Variants in SLC34A1 observed in about 807,000 individuals in gnomAD.
SLC34A1 encodes the protein solute carrier family 34 member 1, also known as sodium-dependent phosphate transport protein 2A.
Under a neutral mutation model 51.4 loss-of-function variants are expected in SLC34A1, and 57 were observed. That is an observed-to-expected ratio of 1.11 (90% confidence interval 0.90 to 1.38). The LOEUF (loss-of-function observed/expected upper bound fraction) is 1.38. Among genes scored for constraint, SLC34A1 ranks in the 40% most tolerant of loss-of-function variants. SLC34A1 has a pLI of 0.00. For missense variants in SLC34A1, 796 were observed against 835.6 expected (o/e 0.95, Z 0.58); for synonymous variants, 368 against 358.0 (o/e 1.03, Z -0.32).
At chr5:177,392,909 A>C (rs1762851823) in intron 8 of SLC34A1, among the ~76,000 whole-genome samples, 2 of 152,174 alleles carry the variant, frequency 1.3e-5, no homozygotes, top group Non-Finnish European at 2.9e-5. Flanking sequence ...GCCACACTGC[A>C]CCTGGCCCAG....
In SLC34A1 at chr5:177,398,472, T is replaced by G. The variant is rs1234356528; in HGVS notation, c.*186T>G. On this transcript the variant is annotated 3_prime_UTR_variant, in exon 13 of 13. Coordinates refer to ENST00000324417, the MANE Select transcript of SLC34A1 (RefSeq NM_003052.5). The surrounding 1 kb of genome is among the most constrained non-coding windows in gnomAD (Gnocchi z 4.7). ...GTGTGTGCATGTGTGGGGGTGAGTC[T>G]GCATGTGCACCTGTCATGTGTAGAA... 3 of 715,648 alleles carry G rather than the reference T, an allele frequency of 4.2e-6. No individual in the cohort carries two copies. In the African/African-American group the frequency reaches 5.2e-5, roughly 12 times the overall value. The allele number at this position is 715,648 out of a possible 1,614,324, so 44.3% of individuals were successfully genotyped here.
chr5:177,398,040 C>G lies in SLC34A1; in HGVS notation c.1674C>G (p.Ile558Met). ...CCCTGCTGGCCTTCGTGGTGCTCAT[C>G]AATGTCCTGCAGAGTCGGAGTCCCG... is the stretch of plus-strand genomic sequence containing the variant. Reference protein sequence around the residue: ...FGALLAFVVLINVLQSRSPGH... With the variant: ...FGALLAFVVLMNVLQSRSPGH... Residue 558 changes from isoleucine to methionine, a missense_variant, in exon 13 of 13, where the codon ATC becomes ATG. Ile to Met is a conservative substitution (Grantham distance 10, BLOSUM62 1). Transcript: ENST00000324417. The surrounding 1 kb of genome is among the most constrained non-coding windows in gnomAD (Gnocchi z 4.7). The G allele has an allele frequency of 6.2e-7, 1 of 1,614,130 alleles. No homozygotes were observed. Among genetic ancestry groups the G allele is most frequent in the South Asian group, 1.1e-5 (1 of 91,062 alleles).
intron 10 of SLC34A1, among the ~76,000 whole-genome samples, chr5:177,394,681 ACTTT>A (rs1406064156): frequency 1.4e-5 from 2 of 144,500 alleles, no homozygotes; most frequent in East Asian, 4.0e-4. Flanking sequence ...ACATAGTGAG[ACTTT>A]GTCTTTTTTT....
intron 1 of SLC34A1, 41 bp from the exon 2 acceptor site, chr5:177,385,654 G>A: frequency 1.1e-6 from 1 of 923,138 alleles, no homozygotes; most frequent in Non-Finnish European, 1.8e-6. Flanking sequence ...AGGTGAGGGT[G>A]TGTGGGCATG....
chr5:177,389,563 C>T lies in SLC34A1; in HGVS notation c.936+1191C>T, dbSNP rs568767685. On this transcript the variant is annotated intron_variant, in intron 8 of 12. Coordinates refer to ENST00000324417, the MANE Select transcript of SLC34A1 (RefSeq NM_003052.5). ...CGCTGACTTCATGACCTCTTTAATA[C>T]ATCAACCACTTTCTCACGAGCTCTC... 23 of 1,528,094 alleles carry T rather than the reference C, an allele frequency of 1.5e-5. 1 individual carries two copies. The East Asian group carries it at 5.4e-4, about 36-fold the overall frequency. The allele number at this position is 1,528,094 out of a possible 1,614,324, so 94.7% of individuals were successfully genotyped here.
At chr5:177,392,047 C>T (rs1268305188) in intron 8 of SLC34A1, among the ~76,000 whole-genome samples, 1 of 152,218 alleles carries the variant, frequency 6.6e-6, no homozygotes, top group Non-Finnish European at 1.5e-5. Flanking sequence ...CATTCAGGCC[C>T]AGTCTTGATG....
In SLC34A1 at chr5:177,388,020, A is replaced by G; in HGVS notation, c.671A>G (p.Asp224Gly). The change falls in exon 7 of 13, where the codon GAC (aspartate) becomes GGC (glycine). Residue 224 changes from aspartate to glycine, a missense_variant. Asp to Gly is a moderately conservative substitution (Grantham distance 94). Coordinates refer to ENST00000324417, the MANE Select transcript of SLC34A1 (RefSeq NM_003052.5). The surrounding 1 kb of genome is among the most constrained non-coding windows in gnomAD (Gnocchi z 4.3). ...RRAFAGATVHDCFNWLSVLVL... is the reference protein window; with the variant it reads ...RRAFAGATVHGCFNWLSVLVL... ...GCCTTCGCGGGGGCCACGGTGCATGACTGCTTTAACTGGCTGTCAGTGCTG... is the reference window on the plus strand; with the variant it reads ...GCCTTCGCGGGGGCCACGGTGCATGGCTGCTTTAACTGGCTGTCAGTGCTG... 6.2e-7 allele frequency: 1 copy of G among 1,613,784 alleles called. No homozygotes were observed. Among genetic ancestry groups the G allele is most frequent in the Non-Finnish European group, 8.5e-7 (1 of 1,179,870 alleles).
At chr5:177,393,977 G>GA (rs1331355975) in intron 9 of SLC34A1, 51 bp from the exon 10 acceptor site, 23 of 1,609,188 alleles carry the variant, frequency 1.4e-5, no homozygotes, top group Non-Finnish European at 1.9e-5. Context: ...CAAAGGTGGG[G>GA]ACCTGGGAGC....
In SLC34A1 at chr5:177,397,933, T is replaced by C. The variant is rs370834020; in HGVS notation, c.1567T>C (p.Phe523Leu). The C allele has an allele frequency of 5.0e-6, 8 of 1,613,954 alleles. No homozygotes were observed. In the African/African-American group the frequency reaches 1.1e-4, roughly 22 times the overall value. ...WFAVLYLLVC[F>L]LLLPSLVFGI... is the part of the protein sequence containing the mutation. Reference sequence around the variant, plus strand: ...TGCCGTCCTCTATCTCCTTGTCTGCTTCCTGCTGCTGCCCTCACTGGTGTT... The same window carrying C: ...TGCCGTCCTCTATCTCCTTGTCTGCCTCCTGCTGCTGCCCTCACTGGTGTT... The change falls in exon 13 of 13, where the codon TTC (phenylalanine) becomes CTC (leucine). Residue 523 changes from phenylalanine to leucine, a missense_variant. Transcript: ENST00000324417.
In SLC34A1 at chr5:177,386,495, T is replaced by A. The variant is rs1244025348; in HGVS notation, c.461T>A (p.Ile154Asn). Reference sequence around the variant, plus strand: ...CCGGTGGCCGGGCTGGTGGTGGGGATCCTGGTGACCGTGCTGGTGCAGAGC... The same window carrying A: ...CCGGTGGCCGGGCTGGTGGTGGGGAACCTGGTGACCGTGCTGGTGCAGAGC... The part of the protein sequence containing the change: ...SNPVAGLVVG[I>N]LVTVLVQSSS... Residue 154 changes from isoleucine (I) to asparagine (N), a missense_variant, in exon 5 of 13, where the codon ATC becomes AAC. Physicochemically the swap from Ile to Asn is moderately radical, Grantham distance 149 (BLOSUM62 -3). Coordinates refer to ENST00000324417, the MANE Select transcript of SLC34A1 (RefSeq NM_003052.5). This position sits in a 1 kb window ranked among gnomAD's most constrained non-coding sequence, Gnocchi z 4.8. 1.9e-6 allele frequency: 3 copies of A among 1,614,072 alleles called. No homozygotes were observed. Among genetic ancestry groups the A allele is most frequent in the South Asian group, 2.2e-5 (2 of 91,086 alleles).
At position 177,386,002 on chromosome 5, in the gene SLC34A1, C is replaced by A. The variant is rs767807252; in HGVS notation, c.125C>A (p.Pro42Gln). 1 of 1,610,478 alleles carries A rather than the reference C, an allele frequency of 6.2e-7. No homozygotes were observed. Among genetic ancestry groups the A allele is most frequent in the Admixed American group, 1.7e-5 (1 of 59,934 alleles). ...CCCTCCCTAGTCCTACACAGGATCCCGGGGACCTCTGCCTATGCCTTCCCC... is the reference window on the plus strand; with the variant it reads ...CCCTCCCTAGTCCTACACAGGATCCAGGGGACCTCTGCCTATGCCTTCCCC... ...VPSPQVLHRI[P>Q]GTSAYAFPSL... Residue 42 changes from proline to glutamine, a missense_variant, in exon 3 of 13, where the codon CCG (proline) becomes CAG (glutamine). Transcript: ENST00000324417. This position sits in a 1 kb window ranked among gnomAD's most constrained non-coding sequence, Gnocchi z 4.8.
chr5:177,398,064 C>G lies in SLC34A1; in HGVS notation c.1698C>G (p.Pro566=). The stretch of plus-strand genomic sequence containing the variant: ...TCAATGTCCTGCAGAGTCGGAGTCC[C>G]GGGCACCTGCCCAAGTGGTTACAGA... ...VLINVLQSRS[P]GHLPKWLQTW... is the part of the protein sequence containing the mutation. The change falls in exon 13 of 13, where the codon CCC becomes CCG. Residue 566 remains proline, a synonymous_variant. Coordinates refer to ENST00000324417, the MANE Select transcript of SLC34A1 (RefSeq NM_003052.5). The surrounding 1 kb of genome is among the most constrained non-coding windows in gnomAD (Gnocchi z 4.7). The G allele has an allele frequency of 6.2e-7, 1 of 1,613,920 alleles. No homozygotes were observed. The highest frequency in any genetic ancestry group is 1.1e-5 in the South Asian group (1 of 91,082).
At position 177,393,702 on chromosome 5, in the gene SLC34A1, C is replaced by G; in HGVS notation, c.945C>G (p.Thr315=). The G allele has an allele frequency of 6.2e-7, 1 of 1,614,232 alleles. No individual in the cohort carries two copies. Among genetic ancestry groups the G allele is most frequent in the Non-Finnish European group, 8.5e-7 (1 of 1,180,036 alleles). ...WCHPDSLQAP[T]SMSRAEANSS... Reference sequence around the variant, plus strand: ...CCCTCCTCCTGATCTAGGCTCCCACCTCCATGTCCAGAGCAGAGGCCAACT... The same window carrying G: ...CCCTCCTCCTGATCTAGGCTCCCACGTCCATGTCCAGAGCAGAGGCCAACT... Residue 315 remains threonine, a synonymous_variant, in exon 9 of 13, where the codon ACC becomes ACG. Coordinates refer to ENST00000324417, the MANE Select transcript of SLC34A1 (RefSeq NM_003052.5).
Position 177,397,773 on chromosome 5 carries a change from T to A in SLC34A1, c.1417-10T>A. On this transcript the variant is annotated splice_polypyrimidine_tract_variant and intron_variant, in intron 12 of 12. Transcript: ENST00000324417. Reference sequence around the variant, plus strand: ...TGCCCATCTCAGCCCCTCTGCCTCATCCCCTGCAGATTGCCCTCTGTCACT... The same window carrying A: ...TGCCCATCTCAGCCCCTCTGCCTCAACCCCTGCAGATTGCCCTCTGTCACT... 6.2e-7 allele frequency: 1 copy of A among 1,606,714 alleles called. No individual in the cohort carries two copies. The highest frequency in any genetic ancestry group is 1.1e-5 in the South Asian group (1 of 91,060).
chr5:177,387,294 C>G (rs1288438807), intron 5 of SLC34A1, among the ~76,000 whole-genome samples: 1 of 152,116 alleles, frequency 6.6e-6, no homozygotes, highest in Non-Finnish European at 1.5e-5. Flanking sequence ...ACTCAGGAGG[C>G]TGAGGCAGGA....
chr5:177,385,164 A>G (rs539955840), intron 1 of SLC34A1, among the ~76,000 whole-genome samples: 1 of 152,246 alleles, frequency 6.6e-6, no homozygotes, highest in East Asian at 1.9e-4. Flanking sequence ...ACCCCATGAG[A>G]AGGCAGGTGT....
At position 177,393,718 on chromosome 5, in the gene SLC34A1, G is replaced by C. The variant is rs771045044; in HGVS notation, c.961G>C (p.Glu321Gln). 2 of 1,614,100 alleles carry C rather than the reference G, an allele frequency of 1.2e-6. No individual in the cohort carries two copies. Among genetic ancestry groups the C allele is most frequent in the African/African-American group, 1.3e-5 (1 of 74,938 alleles). ...GGCTCCCACCTCCATGTCCAGAGCAGAGGCCAACTCCAGCCAGACCCTTGG... is the reference window on the plus strand; with the variant it reads ...GGCTCCCACCTCCATGTCCAGAGCACAGGCCAACTCCAGCCAGACCCTTGG... ...LQAPTSMSRA[E>Q]ANSSQTLGNA... The change falls in exon 9 of 13, where the codon GAG (glutamate) becomes CAG (glutamine). Residue 321 changes from glutamate to glutamine, a missense_variant. Transcript: ENST00000324417.
rs1162726036 is a variant in SLC34A1 at position 177,386,682 on chromosome 5, G to A, written c.532+116G>A. The A allele has an allele frequency of 1.6e-6, 2 of 1,250,396 alleles. No individual in the cohort carries two copies. The highest frequency in any genetic ancestry group is 2.3e-6 in the Non-Finnish European group (2 of 867,476). 77.5% of individuals were successfully genotyped at this position (1,250,396 alleles called of 1,614,324 possible). On this transcript the variant is annotated intron_variant, in intron 5 of 12. Coordinates refer to ENST00000324417, the MANE Select transcript of SLC34A1 (RefSeq NM_003052.5). The surrounding 1 kb of genome is among the most constrained non-coding windows in gnomAD (Gnocchi z 4.8). Reference sequence around the variant, plus strand: ...CTGGCCTCCATTCAGCTTGACTCCTGTATCAGCCAGGGACATGAGAGGAGC... The same window carrying A: ...CTGGCCTCCATTCAGCTTGACTCCTATATCAGCCAGGGACATGAGAGGAGC...
Position 177,387,097 on chromosome 5 carries a change from G to A in SLC34A1, c.532+531G>A, listed in dbSNP as rs941944425. 1.7e-4 allele frequency among the ~76,000 whole-genome samples: 26 copies of A among 151,982 alleles called. No individual in the cohort carries two copies. In the South Asian group the frequency reaches 1.9e-3, roughly 11 times the overall value. On this transcript the variant is annotated intron_variant, in intron 5 of 12. Transcript: ENST00000324417. ...TAAAACTAACCATCACTGGCCGGGC[G>A]CAGTGGCTCATGCCTGTAATCCCAG...
Sources: gnomAD v4.1 joint callset for allele counts (sites outside exome capture counted in the v4.1 genomes callset) on GRCh38, gnomAD v4.1.1 for gene constraint, Gnocchi (gnomAD v3.1) non-coding constraint, MANE v1.5 for transcripts, NCBI Gene and HGNC (gene_info 2026-07-23, HGNC 2026-07-21) for gene names.